DCTN4: variants seen among roughly 807,000 people sequenced by gnomAD.
DCTN4 encodes the protein dynactin subunit 4.
Under a neutral mutation model 62.7 loss-of-function variants are expected in DCTN4, and 23 were observed. The ratio of observed to expected loss-of-function variants is 0.37; its 90% CI spans 0.26 to 0.52. The LOEUF (loss-of-function observed/expected upper bound fraction) is 0.52, where lower values mean the gene tolerates loss of function less well. Ranked by LOEUF, DCTN4 falls within the 20% of genes least tolerant of loss-of-function variation. DCTN4 has a pLI of 0.92. For synonymous variants in DCTN4, 199 were observed against 202.1 expected (o/e 0.98, Z 0.13); for missense variants, 514 against 580.4 (o/e 0.89, Z 1.18).
At chr5:150,736,017 G>A (rs1478654389) in intron 4 of DCTN4, among the ~76,000 whole-genome samples, 1 of 149,966 alleles carries the variant, frequency 6.7e-6, no homozygotes, top group Non-Finnish European at 1.5e-5. Context: ...GACACACTTA[G>A]ACAAGGCTTT....
At chr5:150,723,127 T>C (rs1581571102) in intron 8 of DCTN4, 147 bp from the exon 9 acceptor site, 6 of 594,680 alleles carry the variant, frequency 1.0e-5, no homozygotes, top group Admixed American at 3.3e-5. Flanking sequence ...GAATAATGTA[T>C]AGCAGCCAAA....
At chr5:150,734,318 A>T (rs1011119092) in intron 4 of DCTN4, 3 of 152,236 alleles carry the variant, frequency 2.0e-5, no homozygotes, top group Non-Finnish European at 4.4e-5. Flanking sequence ...CATGTGTAAG[A>T]GGGGGAAAAT....
At chr5:150,735,887 G>A (rs1336201808) in intron 4 of DCTN4, among the ~76,000 whole-genome samples, 10 of 141,040 alleles carry the variant, frequency 7.1e-5, no homozygotes, top group African/African-American at 2.6e-4. Flanking sequence ...GGGCACCAGA[G>A]AAAGGTGAAA....
At chr5:150,713,176 T>C (rs777760618) in intron 12 of DCTN4, among the ~76,000 whole-genome samples, 27 of 152,262 alleles carry the variant, frequency 1.8e-4, no homozygotes, top group Non-Finnish European at 3.2e-4. Flanking sequence ...TTCAAACAGT[T>C]TAAAATGGTA....
chr5:150,733,318 G>A (rs757683405), intron 5 of DCTN4, 50 bp downstream of exon 5: 15 of 1,335,246 alleles, frequency 1.1e-5, no homozygotes, highest in Non-Finnish European at 1.6e-5. Flanking sequence ...AATGATCACT[G>A]TTCTTAGGCC....
intron 12 of DCTN4, among the ~76,000 whole-genome samples, chr5:150,714,225 G>A (rs949775594): frequency 1.3e-5 from 2 of 152,260 alleles, no homozygotes; most frequent in Admixed American, 1.3e-4. Flanking sequence ...GATTCTGCTT[G>A]GACTGTATCT....
Position 150,723,495 on chromosome 5 carries a change from G to A in DCTN4, c.835-515C>T, listed in dbSNP as rs183796859. Among the ~76,000 whole-genome samples, 15 of 152,272 alleles carry A rather than the reference G, an allele frequency of 9.9e-5. No individual in the cohort carries two copies. The East Asian group carries it at 2.1e-3, about 22-fold the overall frequency. On this transcript the variant is annotated intron_variant, in intron 8 of 12. Coordinates refer to ENST00000447998, the MANE Select transcript of DCTN4 (RefSeq NM_016221.4). ...TAACAATGATTACTTTTGAGATAGG[G>A]TATCACTCTGTTACCCAGGCTGGAG...
chr5:150,749,035 C>T (rs1752571630), intron 3 of DCTN4, among the ~76,000 whole-genome samples: 3 of 151,532 alleles, frequency 2.0e-5, no homozygotes, highest in African/African-American at 7.3e-5. Flanking sequence ...ATCTTAGTGA[C>T]ACTGGGTTAG....
chr5:150,716,353 C>T (rs1759757677), intron 11 of DCTN4, among the ~76,000 whole-genome samples: 1 of 152,000 alleles, frequency 6.6e-6, no homozygotes, highest in African/African-American at 2.4e-5. Flanking sequence ...GACATGGTAC[C>T]AGCTGATTCC....
At chr5:150,754,392 G>A (rs1397465488) in intron 2 of DCTN4, among the ~76,000 whole-genome samples, 1 of 152,204 alleles carries the variant, frequency 6.6e-6, no homozygotes, top group Non-Finnish European at 1.5e-5. Flanking sequence ...AGGAAGCTTT[G>A]AGGATTAAAT....
chr5:150,758,302 T>A, intron 1 of DCTN4: 1 of 985,710 alleles, frequency 1.0e-6, no homozygotes, highest in Non-Finnish European at 1.2e-6. Context: ...TTTCAGCTTC[T>A]TACATGACAT....
intron 3 of DCTN4, among the ~76,000 whole-genome samples, chr5:150,745,245 CCTAAATATATATG>C (rs1167552929): frequency 2.0e-5 from 3 of 150,378 alleles, no homozygotes; most frequent in Non-Finnish European, 2.9e-5. Context: ...CGCTAACTAT[CCTAAATATATATG>C]CACCCAATAC....
chr5:150,735,131 G>A (rs1427036568), intron 4 of DCTN4, among the ~76,000 whole-genome samples: 1 of 152,128 alleles, frequency 6.6e-6, no homozygotes, highest in Non-Finnish European at 1.5e-5. Context: ...ACTTATCCAG[G>A]CAACCTTAGG....
chr5:150,725,050 C>T lies in DCTN4; in HGVS notation c.835-2070G>A, dbSNP rs1383904191. 4.0e-5 allele frequency among the ~76,000 whole-genome samples: 6 copies of T among 148,572 alleles called. No homozygotes were observed. The South Asian group carries it at 6.4e-4, about 16-fold the overall frequency. ...GCGGGCGCCTGTAGTCCCAGCTACA[C>T]GGGAGGCTGAGGCAGGAGAATGGCG... On this transcript the variant is annotated intron_variant, in intron 8 of 12. Coordinates refer to ENST00000447998, the MANE Select transcript of DCTN4 (RefSeq NM_016221.4).
Position 150,718,401 on chromosome 5 carries a change from CAT to C in DCTN4, c.964-20_964-19del. 6.4e-7 allele frequency: 1 copy of C among 1,572,196 alleles called. No homozygotes were observed. The highest frequency in any genetic ancestry group is 8.7e-7 in the Non-Finnish European group (1 of 1,143,492). On this transcript the variant is annotated intron_variant, in intron 10 of 12. Coordinates refer to ENST00000447998, the MANE Select transcript of DCTN4 (RefSeq NM_016221.4). ...TGGCTCTCCTGGTGAATAGGAAACACATCTCTCAGACATTCGCCACTTTCTTA... is the reference window on the plus strand; with the variant it reads ...TGGCTCTCCTGGTGAATAGGAAACACCTCTCAGACATTCGCCACTTTCTTA...
intron 8 of DCTN4, 119 bp from the exon 9 acceptor site, chr5:150,723,099 A>G: frequency 5.8e-6 from 4 of 693,648 alleles, no homozygotes; most frequent in Non-Finnish European, 9.6e-6. Context: ...TTGTTCTGCT[A>G]TAAGACCATA....
rs781129875 is a variant in DCTN4, at chr5:150,730,638, C to T, written c.827G>A (p.Arg276His). The part of the protein sequence containing the change: ...HKHLLIKRSL[R>H]CRKCEHNLSK... Reference sequence around the variant, plus strand: ...ACAGAATGGAATACTTACACGGCAGCGCAGGGACCGTTTGATCAGAAGATG... The same window carrying T: ...ACAGAATGGAATACTTACACGGCAGTGCAGGGACCGTTTGATCAGAAGATG... The change falls in exon 8 of 13, where the codon CGC becomes CAC. Residue 276 changes from arginine to histidine, a missense_variant. By Grantham distance (29) the Arg-to-His change is conservative (BLOSUM62 0). Transcript: ENST00000447998. 3.1e-6 allele frequency: 5 copies of T among 1,613,558 alleles called. No homozygotes were observed. The highest frequency in any genetic ancestry group is 4.2e-6 in the Non-Finnish European group (5 of 1,179,622).
intron 1 of DCTN4, chr5:150,758,064 T>G: frequency 1.0e-6 from 1 of 983,474 alleles, no homozygotes; most frequent in Non-Finnish European, 1.2e-6. Flanking sequence ...TATCAGCTTT[T>G]TCTTCACTAA....
intron 10 of DCTN4, among the ~76,000 whole-genome samples, chr5:150,718,895 T>C (rs1216582627): frequency 6.6e-6 from 1 of 152,198 alleles, no homozygotes; most frequent in Non-Finnish European, 1.5e-5. Context: ...CATGGCTCAC[T>C]GCAGCCTCAA....
Sources: gnomAD v4.1 joint callset for allele counts (sites outside exome capture counted in the v4.1 genomes callset) on GRCh38, gnomAD v4.1.1 for gene constraint, MANE v1.5 for transcripts, NCBI Gene and HGNC (gene_info 2026-07-23, HGNC 2026-07-21) for gene names.